The following RIMS2 variants were observed in gnomAD, a reference collection of about 807,000 sequenced individuals.
RIMS2 encodes regulating synaptic membrane exocytosis protein 2.
A neutral mutation model predicts 174.4 loss-of-function variants in RIMS2; 59 were observed. The ratio of observed to expected loss-of-function variants is 0.34; its 90% CI spans 0.27 to 0.42. The LOEUF is 0.42. RIMS2 is among the 10% of genes least tolerant of loss of function. RIMS2 has a pLI of 1.00. For synonymous variants in RIMS2, 606 were observed against 572.5 expected, an observed-to-expected ratio of 1.06 and a Z score of -0.84; for missense variants, 1,620 against 1,666.3, an observed-to-expected ratio of 0.97 and a Z score of 0.48.
chr8:104,103,876 G>C (rs2097964431), intron 19 of RIMS2, among the ~76,000 whole-genome samples: 1 of 152,114 alleles, frequency 6.6e-6, no homozygotes. Context: ...TGGTAAACTT[G>C]AGTGTACTCA....
chr8:104,120,136 T>G (rs78498343), intron 19 of RIMS2, among the ~76,000 whole-genome samples: 196 of 152,302 alleles, frequency 1.3e-3, no homozygotes, highest in African/African-American at 4.3e-3. Context: ...CTCACTCATG[T>G]AGAGAGCAAA....
chr8:104,139,622 CT>C (rs2098550163), intron 19 of RIMS2, among the ~76,000 whole-genome samples: 1 of 152,154 alleles, frequency 6.6e-6, no homozygotes, highest in African/African-American at 2.4e-5. Flanking sequence ...TGTCCTGCAA[CT>C]TTCCTGAATT....
At chr8:103,819,740 T>C in intron 3 of RIMS2, 1 of 731,670 alleles carries the variant, frequency 1.4e-6, no homozygotes, top group Non-Finnish European at 2.1e-6. Context: ...AGGTGTTATC[T>C]GTTTACTGTA....
chr8:103,784,491 A>G (rs2098422155), intron 3 of RIMS2, among the ~76,000 whole-genome samples: 1 of 101,316 alleles, frequency 9.9e-6, no homozygotes, highest in Admixed American at 1.2e-4. Flanking sequence ...ACATATGGCT[A>G]GCCAGTTTTC....
intron 4 of RIMS2, among the ~76,000 whole-genome samples, chr8:103,893,757 G>C (rs1441383724): frequency 2.0e-5 from 3 of 151,926 alleles, no homozygotes; most frequent in Non-Finnish European, 4.4e-5. Context: ...TTCTTTCATT[G>C]ATACTTTTTT....
At chr8:103,994,071 A>C (rs2094910574) in intron 17 of RIMS2, among the ~76,000 whole-genome samples, 1 of 149,140 alleles carries the variant, frequency 6.7e-6, no homozygotes, top group Admixed American at 6.7e-5. Flanking sequence ...AAAAAAAAAG[A>C]ATAAAAAAAA....
intron 3 of RIMS2, 151 bp from the exon 7 acceptor site, chr8:103,885,147 A>G: frequency 1.8e-6 from 2 of 1,128,216 alleles, no homozygotes; most frequent in Non-Finnish European, 2.4e-6. Context: ...AATGAATACT[A>G]CTAAAACCAT....
intron 3 of RIMS2, among the ~76,000 whole-genome samples, chr8:103,811,934 G>A (rs890676460): frequency 1.3e-5 from 2 of 152,224 alleles, no homozygotes; most frequent in Non-Finnish European, 2.9e-5. Flanking sequence ...TCACACATTT[G>A]TGGTGGCTTC....
chr8:103,585,413 C>T (rs1484104398), intron 1 of RIMS2, among the ~76,000 whole-genome samples: 1 of 152,062 alleles, frequency 6.6e-6, no homozygotes, highest in East Asian at 1.9e-4. Flanking sequence ...AATCATTCTG[C>T]TATAAAGACA....
intron 19 of RIMS2, among the ~76,000 whole-genome samples, chr8:104,192,932 T>C (rs187182758): frequency 1.3e-5 from 2 of 152,296 alleles, no homozygotes; most frequent in African/African-American, 4.8e-5. Context: ...TATAATGAGA[T>C]GTGCTGTTGA....
At chr8:104,148,497 T>C (rs2098662004) in intron 19 of RIMS2, 110 bp from the exon 25 acceptor site, 10 of 1,076,086 alleles carry the variant, frequency 9.3e-6, no homozygotes, top group African/African-American at 1.6e-5. Flanking sequence ...TAAAAATATA[T>C]TCCATAGATG....
At chr8:103,733,190 C>T (rs1000889018) in intron 2 of RIMS2, among the ~76,000 whole-genome samples, 1 of 152,102 alleles carries the variant, frequency 6.6e-6, no homozygotes, top group Non-Finnish European at 1.5e-5. Context: ...AGCGGGTTCT[C>T]TTCTTGCCCA....
At chr8:103,997,764 A>C (rs1313591013) in intron 17 of RIMS2, among the ~76,000 whole-genome samples, 1 of 151,736 alleles carries the variant, frequency 6.6e-6, no homozygotes, top group East Asian at 1.9e-4. Context: ...TTAATAATTA[A>C]AAGAGAAATA....
At chr8:103,856,198 T>C (rs1222325121) in intron 3 of RIMS2, among the ~76,000 whole-genome samples, 10 of 152,210 alleles carry the variant, frequency 6.6e-5, no homozygotes, top group Admixed American at 3.3e-4. Flanking sequence ...TTATCTGATA[T>C]AGGATAGCAA....
At chr8:103,813,262 C>T (rs541650506) in intron 3 of RIMS2, among the ~76,000 whole-genome samples, 4 of 152,172 alleles carry the variant, frequency 2.6e-5, no homozygotes, top group South Asian at 2.1e-4. Flanking sequence ...TTAATTCAGA[C>T]GAGCATAACT....
intron 19 of RIMS2, chr8:104,148,781 T>G: frequency 2.5e-6 from 4 of 1,598,426 alleles, no homozygotes; most frequent in Non-Finnish European, 1.7e-6. Flanking sequence ...CTAGCCTTGG[T>G]GCCAAAATGG....
At chr8:103,887,504 T>C (rs1324439715) in intron 4 of RIMS2, among the ~76,000 whole-genome samples, 1 of 151,628 alleles carries the variant, frequency 6.6e-6, no homozygotes, top group Admixed American at 6.6e-5. Context: ...TATTATCTCA[T>C]TTTTAAATTA....
At chr8:103,604,550 C>A (rs554476399) in intron 1 of RIMS2, among the ~76,000 whole-genome samples, 55 of 151,780 alleles carry the variant, frequency 3.6e-4, no homozygotes, top group African/African-American at 1.2e-3. Flanking sequence ...GCATTGGTAG[C>A]TTGATGGGGA....
At chr8:103,974,500 G>A (rs939433989) in intron 15 of RIMS2, among the ~76,000 whole-genome samples, 2 of 152,106 alleles carry the variant, frequency 1.3e-5, no homozygotes, top group Non-Finnish European at 2.9e-5. Context: ...TGAGTCAAAC[G>A]TACTTTTCCT....
Sources: gnomAD v4.1 joint callset for allele counts (sites outside exome capture counted in the v4.1 genomes callset) on GRCh38, gnomAD v4.1.1 for gene constraint, MANE v1.5 for transcripts, NCBI Gene and HGNC (gene_info 2026-07-23, HGNC 2026-07-21) for gene names.